Variants in STIM2 observed in about 807,000 individuals in gnomAD.
STIM2 encodes stromal interaction molecule 2.
A neutral mutation model predicts 85.8 loss-of-function variants in STIM2; 31 were observed. That is an observed-to-expected ratio of 0.36 (90% CI 0.27 to 0.49). The LOEUF is 0.49. Among genes scored for constraint, STIM2 ranks in the 20% least tolerant of loss-of-function variants. The pLI, the probability that STIM2 is intolerant of heterozygous loss-of-function variation, is 0.98. For synonymous variants in STIM2, 356 were observed against 331.1 expected, an observed-to-expected ratio of 1.08 and a Z score of -0.82; for missense variants, 841 against 927.6, an observed-to-expected ratio of 0.91 and a Z score of 1.21.
chr4:26,874,229 G>A (rs942646587), intron 1 of STIM2: 57 of 445,704 alleles, frequency 1.3e-4, no homozygotes, highest in Non-Finnish European at 1.8e-4. Flanking sequence ...CCAGGGCTGC[G>A]GCAGGGGTCT....
intron 1 of STIM2, chr4:26,873,948 T>C (rs943628885): frequency 1.2e-5 from 16 of 1,324,966 alleles, no homozygotes; most frequent in Non-Finnish European, 1.7e-5. Flanking sequence ...CTCTTCTGGC[T>C]CAGGCTGTGA....
chr4:27,022,197 A>G (rs1728937298), intron 11 of STIM2, among the ~76,000 whole-genome samples: 1 of 152,336 alleles, frequency 6.6e-6, no homozygotes, highest in East Asian at 1.9e-4. Context: ...AACAAAACAT[A>G]AAAGTAGCTG....
chr4:26,917,962 T>A (rs1183457633), intron 1 of STIM2, among the ~76,000 whole-genome samples: 1 of 152,168 alleles, frequency 6.6e-6, no homozygotes, highest in Non-Finnish European at 1.5e-5. Flanking sequence ...GAATTAGGGA[T>A]CATGATTGAC....
chr4:27,007,465 C>G, intron 7 of STIM2, 68 bp from the exon 8 acceptor site: 1 of 1,069,668 alleles, frequency 9.3e-7, no homozygotes, highest in Non-Finnish European at 1.2e-6. Context: ...AGTTTGGGTT[C>G]TAAAAAATAT....
chr4:27,015,185 G>A (rs1372616799), intron 10 of STIM2, among the ~76,000 whole-genome samples: 1 of 151,822 alleles, frequency 6.6e-6, no homozygotes, highest in African/African-American at 2.4e-5. Context: ...TTTATCTCTG[G>A]AATCTTGTTT....
chr4:26,922,569 C>T (rs948037902), intron 2 of STIM2, among the ~76,000 whole-genome samples: 1 of 152,104 alleles, frequency 6.6e-6, no homozygotes, highest in Non-Finnish European at 1.5e-5. Flanking sequence ...GGTATGGGGG[C>T]GGTGTGCTCA....
At chr4:26,917,166 C>T (rs976275538) in intron 1 of STIM2, among the ~76,000 whole-genome samples, 1 of 152,108 alleles carries the variant, frequency 6.6e-6, no homozygotes, top group Non-Finnish European at 1.5e-5. Context: ...TCGAGTACAG[C>T]ATTAAGTGAG....
At chr4:26,989,059 G>A (rs1216211913) in intron 3 of STIM2, among the ~76,000 whole-genome samples, 5 of 151,980 alleles carry the variant, frequency 3.3e-5, no homozygotes, top group African/African-American at 4.8e-5. Flanking sequence ...CTCAGCCTCC[G>A]GAATAGCTGG....
intron 1 of STIM2, among the ~76,000 whole-genome samples, chr4:26,875,993 C>T (rs1015976451): frequency 1.4e-4 from 21 of 152,030 alleles, no homozygotes; most frequent in African/African-American, 4.6e-4. Flanking sequence ...AAACCATTTT[C>T]GCTTGTAGTA....
intron 3 of STIM2, among the ~76,000 whole-genome samples, chr4:26,983,192 G>A (rs1164736740): frequency 1.3e-5 from 2 of 152,192 alleles, no homozygotes; most frequent in Non-Finnish European, 2.9e-5. Flanking sequence ...CAGTAACTTG[G>A]TGGAAATGAA....
At chr4:26,959,665 G>A (rs1726377194) in intron 3 of STIM2, among the ~76,000 whole-genome samples, 1 of 151,062 alleles carries the variant, frequency 6.6e-6, no homozygotes, top group Non-Finnish European at 1.5e-5. Flanking sequence ...CCACCCTAGT[G>A]ACTTTGGTGA....
chr4:26,995,518 T>C, intron 4 of STIM2, 28 bp downstream of exon 4: 1 of 1,454,346 alleles, frequency 6.9e-7, no homozygotes. Context: ...AAATGTATTT[T>C]CCACTCAGGG....
rs1728951072 is a variant in STIM2 at position 27,022,639 on chromosome 4, T to C, written c.1884T>C (p.Asp628=). The C allele has an allele frequency of 3.1e-6, 5 of 1,614,194 alleles. No homozygotes were observed. Among genetic ancestry groups the C allele is most frequent in the Non-Finnish European group, 4.2e-6 (5 of 1,180,010 alleles). ...TATCTCCGCGAAAGATATCAAGAGATGAGGTGTCCCTAGAGGATTCCTCCC... is the reference window on the plus strand; with the variant it reads ...TATCTCCGCGAAAGATATCAAGAGACGAGGTGTCCCTAGAGGATTCCTCCC... Residue 628 remains aspartate (D), a synonymous_variant, in exon 12 of 12, where the codon GAT becomes GAC. Transcript: ENST00000467087.
intron 2 of STIM2, among the ~76,000 whole-genome samples, chr4:26,923,085 C>A (rs969525882): frequency 2.0e-5 from 3 of 151,166 alleles, no homozygotes; most frequent in Non-Finnish European, 2.9e-5. Context: ...CCCGAGCAGC[C>A]TAACTGGGAG....
chr4:26,889,441 A>G (rs1433038316), intron 1 of STIM2, among the ~76,000 whole-genome samples: 1 of 152,168 alleles, frequency 6.6e-6, no homozygotes, highest in South Asian at 2.1e-4. Flanking sequence ...AAGCACCTAG[A>G]TGGTGGATAA....
chr4:26,934,362 G>A (rs1725320351), intron 2 of STIM2, among the ~76,000 whole-genome samples: 1 of 152,150 alleles, frequency 6.6e-6, no homozygotes, highest in Non-Finnish European at 1.5e-5. Flanking sequence ...GAATTGTAAA[G>A]CAATGTCATA....
intron 1 of STIM2, among the ~76,000 whole-genome samples, chr4:26,880,655 A>ATAAATATATATG (rs1326484119): frequency 1.4e-4 from 21 of 145,032 alleles, no homozygotes; most frequent in Admixed American, 2.8e-4. Flanking sequence ...AAATATATAT[A>ATAAATATATATG]TAAATATATA....
chr4:26,939,238 G>A (rs530273158), intron 2 of STIM2, among the ~76,000 whole-genome samples: 8 of 152,078 alleles, frequency 5.3e-5, no homozygotes, highest in Non-Finnish European at 1.2e-4. Context: ...TATTTGACAC[G>A]GTCCATCTTA....
At chr4:26,862,445 AGTCCTGCGGGC>A (rs1343498015) in intron 1 of STIM2, among the ~76,000 whole-genome samples, 1 of 152,144 alleles carries the variant, frequency 6.6e-6, no homozygotes, top group Non-Finnish European at 1.5e-5. Context: ...CCAAAATGAT[AGTCCTGCGGGC>A]GTCTGGAAGT....
Sources: allele counts gnomAD v4.1 joint callset (sites outside exome capture counted in the v4.1 genomes callset), GRCh38; gene constraint gnomAD v4.1.1; transcripts MANE v1.5; gene names NCBI Gene and HGNC (gene_info 2026-07-23, HGNC 2026-07-21).